Variants in TMEM255B observed in about 807,000 individuals in gnomAD.
The protein encoded by TMEM255B is family with sequence similarity 70, member B.
Under a neutral mutation model 34.5 loss-of-function variants are expected in TMEM255B, and 35 were observed. That is an observed-to-expected ratio of 1.01 (90% confidence interval 0.77 to 1.34). The LOEUF is 1.34. TMEM255B is among the 40% of genes most tolerant of loss of function. TMEM255B has a pLI of 0.00. For missense variants in TMEM255B, 432 were observed against 433.2 expected (o/e 1.00, Z 0.02); for synonymous variants, 206 against 201.2 (o/e 1.02, Z -0.20).
intron 8 of TMEM255B, among the ~76,000 whole-genome samples, chr13:113,807,411 C>T (rs111714894): frequency 7.8e-5 from 8 of 102,894 alleles, no homozygotes; most frequent in South Asian, 7.3e-4. Context: ...CGTGGGCTTA[C>T]GGGATGTGGG....
At chr13:113,784,648 C>T (rs1480349708) in intron 3 of TMEM255B, among the ~76,000 whole-genome samples, 1 of 152,188 alleles carries the variant, frequency 6.6e-6, no homozygotes, top group Non-Finnish European at 1.5e-5. Context: ...TTTCTGAGAC[C>T]TGAGGATTTT....
intron 3 of TMEM255B, among the ~76,000 whole-genome samples, chr13:113,772,510 C>T (rs6602894): frequency 0.74 from 113,220 of 152,090 alleles, 42,469 homozygotes; most frequent in South Asian, 0.84. Context: ...TTAACTTTTG[C>T]GTATGGTATG....
rs111804581 is a variant in TMEM255B, at chr13:113,814,119, C to T, written c.*2216C>T. The T allele has an allele frequency of 0.018, 2,770 of 152,320 alleles. 91 individuals carry two copies. The highest frequency in any genetic ancestry group is 0.063 in the African/African-American group (2,606 of 41,558). 9.4% of individuals were successfully genotyped at this position (152,320 alleles called of 1,614,324 possible). On this transcript the variant is annotated 3_prime_UTR_variant, in exon 9 of 9. Coordinates refer to ENST00000375353, the MANE Select transcript of TMEM255B (RefSeq NM_182614.4). ...CGATGGTGCCGTGGTCTTGTGTGGG[C>T]GGTTCCTGGGCACCCTGGAGCTCGG...
At chr13:113,801,910 C>A in intron 7 of TMEM255B, 98 bp downstream of exon 7, 1 of 1,334,412 alleles carries the variant, frequency 7.5e-7, no homozygotes, top group Non-Finnish European at 1.0e-6. Flanking sequence ...CCTCACTTTA[C>A]AGATGGGGCA....
chr13:113,810,142 G>T (rs1466070743), intron 8 of TMEM255B, among the ~76,000 whole-genome samples: 1 of 152,152 alleles, frequency 6.6e-6, no homozygotes, highest in African/African-American at 2.4e-5. Flanking sequence ...CAGACAGGCA[G>T]CTGGCTTCTC....
intron 1 of TMEM255B, among the ~76,000 whole-genome samples, chr13:113,760,683 CTG>C (rs1188439141): frequency 8.6e-5 from 8 of 92,496 alleles, no homozygotes; most frequent in African/African-American, 2.7e-4. Flanking sequence ...TTTGGGGTAT[CTG>C]GGGGTGGATT....
intron 4 of TMEM255B, among the ~76,000 whole-genome samples, chr13:113,795,441 C>G (rs190544469): frequency 6.6e-6 from 1 of 151,682 alleles, no homozygotes; most frequent in African/African-American, 2.4e-5. Context: ...ACTACACACA[C>G]CACACAACAC....
chr13:113,791,077 G>A (rs2050825532), intron 3 of TMEM255B, among the ~76,000 whole-genome samples: 1 of 152,204 alleles, frequency 6.6e-6, no homozygotes, highest in African/African-American at 2.4e-5. Context: ...TAACAATTCG[G>A]TGCTTCTGTG....
chr13:113,781,095 C>A (rs1265698512), intron 3 of TMEM255B, among the ~76,000 whole-genome samples: 2 of 152,122 alleles, frequency 1.3e-5, no homozygotes, highest in African/African-American at 4.8e-5. Context: ...ATGTTAAACC[C>A]AATTCTTAAT....
chr13:113,759,394 G>A (rs993789017), intron 1 of TMEM255B, 79 bp downstream of exon 1: 95 of 1,194,918 alleles, frequency 8.0e-5, no homozygotes, highest in South Asian at 3.0e-4. Context: ...CAGGTCCCCG[G>A]CCGGCCCGGG....
rs1594177750 is a variant in TMEM255B at position 113,812,187 on chromosome 13, G to A, written c.*284G>A. On this transcript the variant is annotated 3_prime_UTR_variant, in exon 9 of 9. Transcript: ENST00000375353. Reference sequence around the variant, plus strand: ...TCCTCCTCTGAGAGCAATTGTTCTGGTGTTTTCACATCCCTTAATTAATTA... The same window carrying A: ...TCCTCCTCTGAGAGCAATTGTTCTGATGTTTTCACATCCCTTAATTAATTA... The A allele has an allele frequency of 6.2e-6, 3 of 487,444 alleles. No individual in the cohort carries two copies. Among genetic ancestry groups the A allele is most frequent in the Non-Finnish European group, 1.1e-5 (3 of 278,226 alleles). The allele number at this position is 487,444 out of a possible 1,614,324, so 30.2% of individuals were successfully genotyped here. A position where few individuals can be genotyped will look rare whatever the true frequency, so the allele number is the denominator to read the frequency against.
rs1160180268 is a variant in TMEM255B, at chr13:113,812,636, C to G, written c.*733C>G. ...TGGTGGGGGACGGTGTTTCGGGGTC[C>G]TTTGGCTCAGGGTCTGGGGCCGCAG... is the stretch of plus-strand genomic sequence containing the variant. On this transcript the variant is annotated 3_prime_UTR_variant, in exon 9 of 9. Transcript: ENST00000375353. 2.0e-5 allele frequency: 3 copies of G among 152,534 alleles called. No individual in the cohort carries two copies. Among genetic ancestry groups the G allele is most frequent in the Non-Finnish European group, 2.9e-5 (2 of 68,272 alleles). 9.4% of individuals were successfully genotyped at this position (152,534 alleles called of 1,614,324 possible). A position where few individuals can be genotyped will look rare whatever the true frequency, so the allele number is the denominator to read the frequency against.
At chr13:113,799,244 C>T (rs1181963989) in intron 4 of TMEM255B, 95 bp from the exon 5 acceptor site, 3 of 1,182,270 alleles carry the variant, frequency 2.5e-6, no homozygotes, top group Admixed American at 4.0e-5. Flanking sequence ...GTCCTTGAGG[C>T]CCTGAGCCTG....
intron 3 of TMEM255B, among the ~76,000 whole-genome samples, chr13:113,783,790 G>A (rs116966484): frequency 0.014 from 2,152 of 152,170 alleles, 23 homozygotes; most frequent in Non-Finnish European, 0.02. Context: ...GTCGGGTGAG[G>A]AGCAGATGCA....
At chr13:113,805,594 C>T (rs1277642925) in intron 8 of TMEM255B, among the ~76,000 whole-genome samples, 1 of 152,196 alleles carries the variant, frequency 6.6e-6, no homozygotes, top group Non-Finnish European at 1.5e-5. Flanking sequence ...TGTGCTGTGG[C>T]CATGGGTGAA....
In TMEM255B at chr13:113,816,036, G is replaced by A. The variant is rs1310451117; in HGVS notation, c.*4133G>A. 8 of 186,538 alleles carry A rather than the reference G, an allele frequency of 4.3e-5. No homozygotes were observed. The highest frequency in any genetic ancestry group is 1.9e-4 in the East Asian group (1 of 5,318). 11.6% of individuals were successfully genotyped at this position (186,538 alleles called of 1,614,324 possible). A position where few individuals can be genotyped will look rare whatever the true frequency, so the allele number is the denominator to read the frequency against. On this transcript the variant is annotated 3_prime_UTR_variant, in exon 9 of 9. Coordinates refer to ENST00000375353, the MANE Select transcript of TMEM255B (RefSeq NM_182614.4). ...ACGGGTTCTTTTCGGGGAGGCAAGC[G>A]TGTTCGCAGCGTGTTCTGTATGGGG...
chr13:113,759,797 A>C (rs1030143288), intron 1 of TMEM255B, among the ~76,000 whole-genome samples: 1 of 152,136 alleles, frequency 6.6e-6, no homozygotes, highest in African/African-American at 2.4e-5. Context: ...CGCTCACAGA[A>C]CTGGACAGTG....
chr13:113,800,654 G>T (rs115361923), intron 5 of TMEM255B, among the ~76,000 whole-genome samples, 173 bp from the exon 6 acceptor site: 1,814 of 152,242 alleles, frequency 0.012, 34 homozygotes, highest in African/African-American at 0.041. Flanking sequence ...GAAGGGTCCT[G>T]GCCCCCGAGC....
intron 8 of TMEM255B, among the ~76,000 whole-genome samples, chr13:113,810,515 T>G (rs1007265584): frequency 7.2e-5 from 11 of 152,126 alleles, no homozygotes; most frequent in African/African-American, 2.7e-4. Flanking sequence ...AGAATACAGG[T>G]ACCTACATAT....
Sources: gnomAD v4.1 joint callset for allele counts (sites outside exome capture counted in the v4.1 genomes callset) on GRCh38, gnomAD v4.1.1 for gene constraint, MANE v1.5 for transcripts, NCBI Gene and HGNC (gene_info 2026-07-23, HGNC 2026-07-21) for gene names.